The following SGCZ variants were observed in gnomAD, a reference collection of about 807,000 sequenced individuals.
SGCZ encodes the protein zeta-sarcoglycan.
In SGCZ, 40 loss-of-function variants were observed where a neutral mutation model predicts 41.3. That is an observed-to-expected ratio of 0.97 (90% CI 0.75 to 1.26). SGCZ has a LOEUF of 1.26. SGCZ is among the 50% of genes most tolerant of loss of function. The pLI, the probability that SGCZ is intolerant of heterozygous loss-of-function variation, is 0.00. For missense variants in SGCZ, 552 were observed against 369.8 expected, an observed-to-expected ratio of 1.49 and a Z score of -4.04; for synonymous variants, 206 against 137.5, an observed-to-expected ratio of 1.50 and a Z score of -3.49.
intron 2 of SGCZ, among the ~76,000 whole-genome samples, chr8:14,429,336 C>T (rs1799878114): frequency 6.6e-6 from 1 of 152,034 alleles, no homozygotes; most frequent in South Asian, 2.1e-4. Flanking sequence ...TGGAGGAAGT[C>T]CAGGCATAAA....
intron 2 of SGCZ, among the ~76,000 whole-genome samples, chr8:14,535,465 C>A (rs186780837): frequency 6.6e-6 from 1 of 151,840 alleles, no homozygotes; most frequent in African/African-American, 2.4e-5. Flanking sequence ...ACTCGATTAG[C>A]AATGACAATC....
chr8:14,748,177 T>C (rs1053131617), intron 1 of SGCZ, among the ~76,000 whole-genome samples: 23 of 152,126 alleles, frequency 1.5e-4, no homozygotes, highest in African/African-American at 5.6e-4. Flanking sequence ...TATATCACTG[T>C]GCTGAGGTTT....
intron 1 of SGCZ, among the ~76,000 whole-genome samples, chr8:14,866,761 AC>A (rs1305773287): frequency 1.3e-5 from 2 of 152,050 alleles, no homozygotes; most frequent in Admixed American, 1.3e-4. Flanking sequence ...ACCATTTTAC[AC>A]CAGCCTGGAA....
intron 1 of SGCZ, among the ~76,000 whole-genome samples, chr8:14,913,038 C>T (rs1799324276): frequency 6.6e-6 from 1 of 151,814 alleles, no homozygotes; most frequent in African/African-American, 2.4e-5. Context: ...TTTCATAATG[C>T]ATGCTGTCAT....
At chr8:14,245,797 G>C (rs1037538889) in intron 3 of SGCZ, among the ~76,000 whole-genome samples, 1 of 152,196 alleles carries the variant, frequency 6.6e-6, no homozygotes, top group African/African-American at 2.4e-5. Context: ...GACATGAACA[G>C]ACGCTTCTCA....
At chr8:14,744,165 G>C (rs1489482153) in intron 1 of SGCZ, among the ~76,000 whole-genome samples, 1 of 151,988 alleles carries the variant, frequency 6.6e-6, no homozygotes, top group African/African-American at 2.4e-5. Flanking sequence ...ACCACCATAG[G>C]GAGCATAAAG....
intron 1 of SGCZ, among the ~76,000 whole-genome samples, chr8:15,090,414 C>T (rs778743774): frequency 1.3e-5 from 2 of 152,178 alleles, no homozygotes; most frequent in Non-Finnish European, 2.9e-5. Flanking sequence ...TATCTGGCAA[C>T]ACCCCTGGGT....
intron 1 of SGCZ, among the ~76,000 whole-genome samples, chr8:14,751,936 A>C (rs1799510833): frequency 6.9e-6 from 1 of 145,316 alleles, no homozygotes; most frequent in Non-Finnish European, 1.5e-5. Flanking sequence ...CGACTCAAGA[A>C]AAACAAAAAC....
At chr8:14,761,387 T>C (rs1799867014) in intron 1 of SGCZ, among the ~76,000 whole-genome samples, 1 of 151,890 alleles carries the variant, frequency 6.6e-6, no homozygotes, top group Non-Finnish European at 1.5e-5. Context: ...ACAAACTTTA[T>C]TTTCTTGGAA....
At chr8:14,189,220 T>A (rs1563175381) in intron 4 of SGCZ, among the ~76,000 whole-genome samples, 1 of 152,046 alleles carries the variant, frequency 6.6e-6, no homozygotes, top group Non-Finnish European at 1.5e-5. Context: ...GAAACGCCAA[T>A]CTTAGTGGGT....
rs145384255 is a variant in SGCZ at position 14,662,157 on chromosome 8, A to T, written c.40-107231T>A. 4.5e-3 allele frequency among the ~76,000 whole-genome samples: 685 copies of T among 152,094 alleles called. 2 individuals carry two copies. Among genetic ancestry groups the T allele is most frequent in the Middle Eastern group, 0.014 (4 of 292 alleles). On this transcript the variant is annotated intron_variant, in intron 1 of 7. Coordinates refer to ENST00000382080, the MANE Select transcript of SGCZ (RefSeq NM_139167.4). Reference sequence around the variant, plus strand: ...TGTAATACTACTCTCTCCCCTTCTCACTTTTTCTGTTTCCATTTTCTCCAT... The same window carrying T: ...TGTAATACTACTCTCTCCCCTTCTCTCTTTTTCTGTTTCCATTTTCTCCAT...
intron 1 of SGCZ, among the ~76,000 whole-genome samples, chr8:15,231,488 T>TGGTTAGC (rs1302501779): frequency 6.6e-6 from 1 of 152,008 alleles, no homozygotes; most frequent in East Asian, 1.9e-4. Context: ...GCTCATTCTG[T>TGGTTAGC]GGTTAGCATA....
chr8:14,159,817 G>A (rs1803986261), intron 5 of SGCZ, among the ~76,000 whole-genome samples: 1 of 152,188 alleles, frequency 6.6e-6, no homozygotes, highest in African/African-American at 2.4e-5. Flanking sequence ...CCATCGCAGT[G>A]TGCCAATTTA....
chr8:14,458,071 C>G (rs557096378), intron 2 of SGCZ, among the ~76,000 whole-genome samples: 2 of 152,266 alleles, frequency 1.3e-5, no homozygotes, highest in East Asian at 3.9e-4. Flanking sequence ...TACCCAGTCT[C>G]AGGCATTTCT....
intron 3 of SGCZ, among the ~76,000 whole-genome samples, chr8:14,275,072 G>A (rs1800183232): frequency 2.0e-5 from 3 of 152,120 alleles, no homozygotes; most frequent in Admixed American, 1.3e-4. Flanking sequence ...AATCTTTAAT[G>A]TACATGTAGG....
chr8:14,296,612 C>T (rs748657898), intron 3 of SGCZ, among the ~76,000 whole-genome samples: 2 of 151,882 alleles, frequency 1.3e-5, no homozygotes, highest in African/African-American at 2.4e-5. Flanking sequence ...TTGGAAGGTT[C>T]GTAAAATACA....
chr8:14,422,259 TTAAC>T (rs541096154), intron 2 of SGCZ, among the ~76,000 whole-genome samples: 365 of 152,270 alleles, frequency 2.4e-3, no homozygotes, highest in Non-Finnish European at 4.3e-3. Context: ...CAAGACCTAT[TTAAC>T]TAACAGCAAT....
At chr8:15,180,951 A>G (rs1800157581) in intron 1 of SGCZ, among the ~76,000 whole-genome samples, 1 of 152,190 alleles carries the variant, frequency 6.6e-6, no homozygotes, top group African/African-American at 2.4e-5. Flanking sequence ...ATGGCAAACT[A>G]GAACAACAAA....
intron 3 of SGCZ, among the ~76,000 whole-genome samples, chr8:14,260,709 C>A (rs1475560732): frequency 6.6e-6 from 1 of 152,162 alleles, no homozygotes; most frequent in African/African-American, 2.4e-5. Flanking sequence ...AATGTCCAAC[C>A]ATAATAGACT....
Sources: allele counts gnomAD v4.1 joint callset (sites outside exome capture counted in the v4.1 genomes callset), GRCh38; gene constraint gnomAD v4.1.1; transcripts MANE v1.5; gene names NCBI Gene and HGNC (gene_info 2026-07-23, HGNC 2026-07-21).